The following PNPT1 variants were observed in gnomAD, a reference collection of about 807,000 sequenced individuals.
The protein encoded by PNPT1 is polyribonucleotide nucleotidyltransferase 1.
A neutral mutation model predicts 119.5 loss-of-function variants in PNPT1; 53 were observed. That is an observed-to-expected ratio of 0.44 (90% CI 0.36 to 0.56). PNPT1 has a LOEUF of 0.56. Ranked by LOEUF, PNPT1 falls within the 20% of genes least tolerant of loss-of-function variation. The pLI, the probability that PNPT1 is intolerant of heterozygous loss-of-function variation, is 0.00. For synonymous variants in PNPT1, 357 were observed against 322.1 expected (o/e 1.11, Z -1.16); for missense variants, 948 against 938.5 (o/e 1.01, Z -0.13).
chr2:55,661,034 T>C (rs1166028159), intron 14 of PNPT1, among the ~76,000 whole-genome samples: 1 of 150,360 alleles, frequency 6.7e-6, no homozygotes, highest in Non-Finnish European at 1.5e-5. Flanking sequence ...AATAAAGAAC[T>C]GGCTATGAGA....
At chr2:55,645,474 A>G (rs777110368) in intron 21 of PNPT1, 42 bp from the exon 22 acceptor site, 3 of 1,296,692 alleles carry the variant, frequency 2.3e-6, no homozygotes, top group Admixed American at 3.5e-5. Flanking sequence ...CATAAAACAA[A>G]TATGATCTGA....
At position 55,672,149 on chromosome 2, in the gene PNPT1, T is replaced by C; in HGVS notation, c.867-103A>G. ...ATATTTAATAATAATCAGCTAAAAC[T>C]TTAATAAATACTTCAGAAAGAATTG... is the stretch of plus-strand genomic sequence containing the variant. On this transcript the variant is annotated intron_variant, in intron 9 of 27. Transcript: ENST00000447944. The C allele has an allele frequency of 7.3e-6, 6 of 818,456 alleles. No homozygotes were observed. The South Asian group carries it at 1.1e-4, about 15-fold the overall frequency. The allele number at this position is 818,456 out of a possible 1,614,324, so 50.7% of individuals were successfully genotyped here.
intron 3 of PNPT1, 34 bp from the exon 4 acceptor site, chr2:55,685,082 C>G (rs375012187): frequency 6.6e-7 from 1 of 1,511,566 alleles, no homozygotes; most frequent in Non-Finnish European, 9.0e-7. Flanking sequence ...TCATATAATT[C>G]TTTTTGCAGA....
chr2:55,692,071 G>C (rs945049747), intron 1 of PNPT1, among the ~76,000 whole-genome samples: 22 of 151,582 alleles, frequency 1.5e-4, no homozygotes, highest in African/African-American at 5.3e-4. Flanking sequence ...TTTTAGTAAA[G>C]ACGGGGTTTC....
chr2:55,646,509 G>T, intron 19 of PNPT1, 23 bp from the exon 20 acceptor site: 1 of 1,576,332 alleles, frequency 6.3e-7, no homozygotes, highest in South Asian at 1.2e-5. Context: ...AAAAAGTTAT[G>T]ACATAGTTTT....
At position 55,654,863 on chromosome 2, in the gene PNPT1, G is replaced by A. The variant is rs58615377; in HGVS notation, c.1495+37C>T. 464 of 1,587,746 alleles carry A rather than the reference G, an allele frequency of 2.9e-4. No homozygotes were observed. The African/African-American group carries it at 4.4e-3, about 15-fold the overall frequency. ...GGCTCATGCCTGGGATTACAGGCATGAGCAATATCAGCAGTTTTGAGACAT... is the reference window on the plus strand; with the variant it reads ...GGCTCATGCCTGGGATTACAGGCATAAGCAATATCAGCAGTTTTGAGACAT... On this transcript the variant is annotated intron_variant, in intron 18 of 27. Transcript: ENST00000447944.
intron 5 of PNPT1, 75 bp downstream of exon 5, chr2:55,683,705 TTACTC>T: frequency 6.2e-6 from 8 of 1,297,150 alleles, no homozygotes; most frequent in Non-Finnish European, 7.6e-6. Flanking sequence ...TTTATAATGT[TTACTC>T]TAGGAAATAT....
Position 55,683,844 on chromosome 2 carries a change from G to GAA in PNPT1, c.404-12_404-11dup. On this transcript the variant is annotated splice_polypyrimidine_tract_variant and intron_variant, in intron 4 of 27. Coordinates refer to ENST00000447944, the MANE Select transcript of PNPT1 (RefSeq NM_033109.5). ...GGTCTAATTGAACGATCTGCCAAAA[G>GAA]AAAAAAAAACACATTAAACCGTACT... 3 of 1,579,300 alleles carry GAA rather than the reference G, an allele frequency of 1.9e-6. No individual in the cohort carries two copies. Among genetic ancestry groups the GAA allele is most frequent in the East Asian group, 4.6e-5 (2 of 43,742 alleles).
chr2:55,662,208 A>C lies in PNPT1; in HGVS notation c.1177-182T>G, dbSNP rs191486421. Among the ~76,000 whole-genome samples, 23 of 152,324 alleles carry C rather than the reference A, an allele frequency of 1.5e-4. No individual in the cohort carries two copies. The East Asian group carries it at 4.4e-3, about 29-fold the overall frequency. On this transcript the variant is annotated intron_variant, in intron 13 of 27. Transcript: ENST00000447944. The stretch of plus-strand genomic sequence containing the variant: ...TCTATAAATATTCATACTATGTGTA[A>C]ACCTCAATAATCCAAAGTTCTAACA...
chr2:55,636,306 TC>T lies in PNPT1; in HGVS notation c.2282del (p.Arg761LysfsTer3). ...VLQSPATTVV[R>X]TLNDRSSIVM... ...CAATACTACTTCTGTCATTCAAAGT[TC>T]TGACCACGGTTGTAGCTGGCGACTG... On this transcript the variant is annotated frameshift_variant, in exon 28 of 28. Transcript: ENST00000447944. LOFTEE classifies it high-confidence loss of function. 1 of 1,614,050 alleles carries T rather than the reference TC, an allele frequency of 6.2e-7. No homozygotes were observed. Among genetic ancestry groups the T allele is most frequent in the Non-Finnish European group, 8.5e-7 (1 of 1,179,944 alleles).
intron 27 of PNPT1, among the ~76,000 whole-genome samples, chr2:55,637,199 G>A (rs1695703207): frequency 6.6e-6 from 1 of 152,194 alleles, no homozygotes; most frequent in African/African-American, 2.4e-5. Context: ...GAGAAACAAA[G>A]TCTCACCTCC....
At chr2:55,678,368 T>C (rs1572829097) in intron 8 of PNPT1, among the ~76,000 whole-genome samples, 1 of 152,208 alleles carries the variant, frequency 6.6e-6, no homozygotes, top group South Asian at 2.1e-4. Flanking sequence ...GCAGGCAGAA[T>C]ACAAAAATCA....
At chr2:55,660,764 G>A (rs1377041152) in intron 14 of PNPT1, among the ~76,000 whole-genome samples, 1 of 152,202 alleles carries the variant, frequency 6.6e-6, no homozygotes, top group Non-Finnish European at 1.5e-5. Flanking sequence ...GCTGAGTGAT[G>A]ATGTGTGCCC....
intron 2 of PNPT1, among the ~76,000 whole-genome samples, chr2:55,687,438 CA>C (rs11386711): frequency 8.8e-5 from 13 of 147,692 alleles, no homozygotes; most frequent in Non-Finnish European, 1.0e-4. Context: ...GAGTCCACCT[CA>C]AAAAAAAAAA....
chr2:55,659,502 G>A (rs1696494830), intron 15 of PNPT1, among the ~76,000 whole-genome samples: 1 of 150,648 alleles, frequency 6.6e-6, no homozygotes, highest in African/African-American at 2.5e-5. Flanking sequence ...TTGTTTGACA[G>A]ACGTGTATAC....
intron 23 of PNPT1, among the ~76,000 whole-genome samples, 191 bp from the exon 24 acceptor site, chr2:55,643,616 G>A (rs961998877): frequency 6.6e-5 from 10 of 152,024 alleles, no homozygotes; most frequent in South Asian, 4.1e-4. Context: ...GGACCTGGTA[G>A]CATGTGCCCA....
At chr2:55,638,296 T>G (rs1430761222) in intron 26 of PNPT1, among the ~76,000 whole-genome samples, 4 of 93,964 alleles carry the variant, frequency 4.3e-5, no homozygotes, top group Non-Finnish European at 2.3e-5. Flanking sequence ...AGTCAGACTC[T>G]GTCTCAGAAA....
rs1452859387 is a variant in PNPT1, at chr2:55,684,966, T to G, written c.380A>C (p.Glu127Ala). 6.3e-7 allele frequency: 1 copy of G among 1,587,996 alleles called. No individual in the cohort carries two copies. Among genetic ancestry groups the G allele is most frequent in the Admixed American group, 1.7e-5 (1 of 58,462 alleles). The change falls in exon 4 of 28, where the codon GAA becomes GCA. Residue 127 changes from glutamate (E) to alanine (A), a missense_variant. Physicochemically the swap from Glu to Ala is moderately radical, Grantham distance 107. Transcript: ENST00000447944. ...ACCTATTATTCGACTTGTTAGAATTTCTTTATCAGAAGTACCAATCTCTCT... is the reference window on the plus strand; with the variant it reads ...ACCTATTATTCGACTTGTTAGAATTGCTTTATCAGAAGTACCAATCTCTCT... ...LRREIGTSDK[E>A]ILTSRIIDRS...
In PNPT1 at chr2:55,636,385, T is replaced by G. The variant is rs1395860833; in HGVS notation, c.2204A>C (p.Tyr735Ser). 2 of 1,613,804 alleles carry G rather than the reference T, an allele frequency of 1.2e-6. No homozygotes were observed. The highest frequency in any genetic ancestry group is 1.3e-5 in the African/African-American group (1 of 74,932). Reference sequence around the variant, plus strand: ...TCCATCGGCTGGGTCACGTCCAAAGTATTTCACCTGTGTTAAAGAAACAGA... The same window carrying G: ...TCCATCGGCTGGGTCACGTCCAAAGGATTTCACCTGTGTTAAAGAAACAGA... ...LEVGQEIQVKYFGRDPADGRM... is the reference protein window; with the variant it reads ...LEVGQEIQVKSFGRDPADGRM... The change falls in exon 28 of 28, where the codon TAC becomes TCC. Residue 735 changes from tyrosine to serine, a missense_variant. Tyr to Ser is a moderately radical substitution (Grantham distance 144). Coordinates refer to ENST00000447944, the MANE Select transcript of PNPT1 (RefSeq NM_033109.5).
Sources: allele counts gnomAD v4.1 joint callset (sites outside exome capture counted in the v4.1 genomes callset), GRCh38; gene constraint gnomAD v4.1.1; transcripts MANE v1.5; gene names NCBI Gene and HGNC (gene_info 2026-07-23, HGNC 2026-07-21).